DYSF: variants seen among roughly 807,000 people sequenced by gnomAD.
The protein encoded by DYSF is dysferlin, also known as dystrophy-associated fer-1-like 1.
In DYSF, 212 loss-of-function variants were observed where a neutral mutation model predicts 274.9. The ratio of observed to expected loss-of-function variants is 0.77; its 90% confidence interval spans 0.69 to 0.86. The LOEUF is 0.86. DYSF is among the 40% of genes least tolerant of loss of function. The pLI, the probability that DYSF is intolerant of heterozygous loss-of-function variation, is 0.00. For synonymous variants in DYSF, 1,091 were observed against 1,078.7 expected, an observed-to-expected ratio of 1.01 and a Z score of -0.22; for missense variants, 2,666 against 2,783.2, an observed-to-expected ratio of 0.96 and a Z score of 0.95.
Position 71,520,946 on chromosome 2 carries a change from G to A in DYSF, c.1149+42G>A, listed in dbSNP as rs778165458. The A allele has an allele frequency of 2.5e-5, 40 of 1,585,886 alleles. No individual in the cohort carries two copies. The East Asian group carries it at 3.8e-4, about 15-fold the overall frequency. On this transcript the variant is annotated intron_variant, in intron 12 of 55. Transcript: ENST00000410020. ...GGGTCTTCCTTACGGTCCCCCACGCGGCACTTGGTTGCGGAGGCACCAAAC... is the reference window on the plus strand; with the variant it reads ...GGGTCTTCCTTACGGTCCCCCACGCAGCACTTGGTTGCGGAGGCACCAAAC...
At chr2:71,512,139 G>C (rs1356636195) in intron 5 of DYSF, among the ~76,000 whole-genome samples, 1 of 152,232 alleles carries the variant, frequency 6.6e-6, no homozygotes, top group East Asian at 1.9e-4. Context: ...ACGTTCCCTT[G>C]GGCGGTGCAG....
intron 1 of DYSF, among the ~76,000 whole-genome samples, chr2:71,459,820 T>A (rs953526682): frequency 6.6e-6 from 1 of 152,132 alleles, no homozygotes; most frequent in Admixed American, 6.5e-5. Context: ...GCAGCACCTG[T>A]CATCAGTGAC....
chr2:71,586,951 C>T (rs1360857240), intron 30 of DYSF, among the ~76,000 whole-genome samples: 1 of 152,218 alleles, frequency 6.6e-6, no homozygotes, highest in Non-Finnish European at 1.5e-5. Flanking sequence ...CCTCCCTACT[C>T]CCACTGCTCC....
rs4241250 is a variant in DYSF, at chr2:71,540,633, C to A, written c.1576+1394C>A. On this transcript the variant is annotated intron_variant, in intron 17 of 55. Coordinates refer to ENST00000410020, the MANE Select transcript of DYSF (RefSeq NM_001130987.2). ...TTTATTGATAGCTGGTGAAGTTGAC[C>A]GATTTCAATTTGAATATATTTAAAT... Among the ~76,000 whole-genome samples the A allele has an allele frequency of 2.0e-5, 3 of 150,686 alleles. No homozygotes were observed. In the East Asian group the frequency reaches 5.8e-4, roughly 29 times the overall value.
chr2:71,606,282 A>G (rs182894675), intron 36 of DYSF, among the ~76,000 whole-genome samples: 2 of 151,810 alleles, frequency 1.3e-5, no homozygotes, highest in African/African-American at 4.8e-5. Context: ...CTTGATCAAC[A>G]CTCTGCACAC....
chr2:71,474,356 C>G (rs1345757885), intron 1 of DYSF, among the ~76,000 whole-genome samples: 2 of 152,226 alleles, frequency 1.3e-5, no homozygotes, highest in East Asian at 1.9e-4. Flanking sequence ...TTGCTGGTCC[C>G]CAGTTCCTCA....
chr2:71,571,763 A>C (rs1251101698), intron 29 of DYSF, among the ~76,000 whole-genome samples: 9 of 135,968 alleles, frequency 6.6e-5, no homozygotes, highest in East Asian at 2.3e-4. Context: ...GCACACACAG[A>C]TCACACCCAG....
intron 29 of DYSF, among the ~76,000 whole-genome samples, chr2:71,571,459 G>GCTC (rs2092443767): frequency 1.4e-4 from 12 of 84,196 alleles, no homozygotes; most frequent in African/African-American, 2.3e-4. Context: ...CACACACACA[G>GCTC]ATCACACCCA....
chr2:71,522,718 A>G (rs897632731), intron 12 of DYSF, among the ~76,000 whole-genome samples: 7 of 152,096 alleles, frequency 4.6e-5, no homozygotes, highest in Admixed American at 3.3e-4. Flanking sequence ...TTATTATAGT[A>G]AATCTAACTT....
At chr2:71,531,509 A>C (rs956417122) in intron 14 of DYSF, among the ~76,000 whole-genome samples, 2 of 151,776 alleles carry the variant, frequency 1.3e-5, no homozygotes, top group Non-Finnish European at 2.9e-5. Context: ...TGACATGTCC[A>C]TGATCAAAGG....
At position 71,598,558 on chromosome 2, in the gene DYSF, A is replaced by G. The variant is rs1336964063; in HGVS notation, c.3575-6A>G. 3 of 1,614,126 alleles carry G rather than the reference A, an allele frequency of 1.9e-6. No homozygotes were observed. Among genetic ancestry groups the G allele is most frequent in the Non-Finnish European group, 2.5e-6 (3 of 1,180,012 alleles). On this transcript the variant is annotated splice_polypyrimidine_tract_variant and splice_region_variant and intron_variant, in intron 32 of 55. Coordinates refer to ENST00000410020, the MANE Select transcript of DYSF (RefSeq NM_001130987.2). ...TGTCTCCCCTCCCCCTCTCCGGCCC[A>G]TGCAGATCCCTATGCCATCGTCTCC...
chr2:71,517,118 G>A (rs2152736989), intron 10 of DYSF, 79 bp downstream of exon 10: 1 of 1,325,286 alleles, frequency 7.5e-7, no homozygotes, highest in Non-Finnish European at 1.1e-6. Context: ...ATGGGCAGGG[G>A]CTCCAGAGAT....
chr2:71,604,374 GTCT>G (rs148215590), intron 36 of DYSF, among the ~76,000 whole-genome samples: 5,620 of 152,290 alleles, frequency 0.037, 296 homozygotes, highest in African/African-American at 0.12. Flanking sequence ...GGGTGTTTCT[GTCT>G]TCTTTGCTGT....
chr2:71,461,066 G>A (rs1052154585), intron 1 of DYSF, among the ~76,000 whole-genome samples: 10 of 152,104 alleles, frequency 6.6e-5, no homozygotes, highest in Non-Finnish European at 8.8e-5. Flanking sequence ...ACCCACACCC[G>A]GGAGCCACGT....
intron 3 of DYSF, among the ~76,000 whole-genome samples, chr2:71,501,358 G>C (rs370960409): frequency 2.2e-4 from 34 of 152,192 alleles, no homozygotes; most frequent in African/African-American, 7.9e-4. Context: ...GGAAAAAGAG[G>C]GATTTCATTG....
At chr2:71,513,130 G>C in intron 5 of DYSF, 110 bp from the exon 6 acceptor site, 1 of 1,005,112 alleles carries the variant, frequency 9.9e-7, no homozygotes. Flanking sequence ...TTTGCACCAG[G>C]CTGGGGTGGG....
chr2:71,459,054 G>A (rs78319459), intron 1 of DYSF, among the ~76,000 whole-genome samples: 27,718 of 152,160 alleles, frequency 0.18, 2,783 homozygotes, highest in East Asian at 0.45. Flanking sequence ...AATTCCACCT[G>A]GTGGACTGGG....
chr2:71,470,015 C>G (rs2081862178), intron 1 of DYSF, among the ~76,000 whole-genome samples: 1 of 152,204 alleles, frequency 6.6e-6, no homozygotes, highest in South Asian at 2.1e-4. Context: ...AAGAACAAAA[C>G]CAGATCCCTA....
intron 55 of DYSF, among the ~76,000 whole-genome samples, chr2:71,684,842 C>G (rs1343156578): frequency 2.0e-5 from 3 of 152,218 alleles, no homozygotes; most frequent in African/African-American, 7.2e-5. Context: ...GCAAATCCCT[C>G]CTGCTCACAT....
Sources: allele counts gnomAD v4.1 joint callset (sites outside exome capture counted in the v4.1 genomes callset), GRCh38; gene constraint gnomAD v4.1.1; transcripts MANE v1.5; gene names NCBI Gene and HGNC (gene_info 2026-07-23, HGNC 2026-07-21).